DEPDC1B: variants seen among roughly 807,000 people sequenced by gnomAD.
DEPDC1B encodes the protein DEP domain-containing protein 1B.
Under a neutral mutation model 66.5 loss-of-function variants are expected in DEPDC1B, and 51 were observed. The observed-to-expected ratio is 0.77, with a 90% CI of 0.61 to 0.97. The LOEUF (loss-of-function observed/expected upper bound fraction) is 0.97, where lower values mean the gene tolerates loss of function less well. Among genes scored for constraint, DEPDC1B ranks in the 50% least tolerant of loss-of-function variants. DEPDC1B has a pLI of 0.00. For missense variants in DEPDC1B, 552 were observed against 637.1 expected, an observed-to-expected ratio of 0.87 and a Z score of 1.44; for synonymous variants, 226 against 223.6, an observed-to-expected ratio of 1.01 and a Z score of -0.10.
intron 7 of DEPDC1B, among the ~76,000 whole-genome samples, chr5:60,629,393 T>C (rs1172682137): frequency 1.3e-5 from 2 of 152,224 alleles, no homozygotes; most frequent in Non-Finnish European, 2.9e-5. Context: ...ATGATAGTTG[T>C]ATTTTATTTT....
At chr5:60,598,453 C>T (rs759031680) in intron 10 of DEPDC1B, among the ~76,000 whole-genome samples, 30 of 152,012 alleles carry the variant, frequency 2.0e-4, no homozygotes, top group Admixed American at 5.9e-4. Flanking sequence ...CCCACATGTA[C>T]GGTGTTCCCT....
chr5:60,677,418 A>G (rs1332416982), intron 2 of DEPDC1B, among the ~76,000 whole-genome samples: 2 of 151,514 alleles, frequency 1.3e-5, no homozygotes, highest in African/African-American at 4.9e-5. Flanking sequence ...TCCTTTTTAG[A>G]TCCTTCACTG....
intron 2 of DEPDC1B, among the ~76,000 whole-genome samples, chr5:60,664,951 T>C (rs1249807645): frequency 2.6e-5 from 4 of 151,882 alleles, no homozygotes; most frequent in African/African-American, 9.7e-5. Context: ...TACAAAAACC[T>C]AAAGAGGTGG....
intron 7 of DEPDC1B, among the ~76,000 whole-genome samples, chr5:60,620,544 C>T (rs1561361913): frequency 6.6e-6 from 1 of 152,214 alleles, no homozygotes; most frequent in Non-Finnish European, 1.5e-5. Context: ...AAAAAATGCT[C>T]ACCATCACTG....
intron 7 of DEPDC1B, among the ~76,000 whole-genome samples, chr5:60,635,195 C>CA (rs937763812): frequency 5.9e-5 from 9 of 151,628 alleles, no homozygotes; most frequent in Non-Finnish European, 1.0e-4. Flanking sequence ...GCACTCTCTG[C>CA]AAAAAAACAA....
intron 2 of DEPDC1B, chr5:60,648,187 T>C (rs1753365080): frequency 1.3e-5 from 2 of 152,194 alleles, no homozygotes; most frequent in Non-Finnish European, 2.9e-5. Flanking sequence ...GTATTATTAA[T>C]ATAAATACAA....
chr5:60,660,323 A>G (rs78115933), intron 2 of DEPDC1B, among the ~76,000 whole-genome samples: 6 of 32,970 alleles, frequency 1.8e-4, no homozygotes, highest in South Asian at 7.6e-4. Context: ...AAAGGGGGGG[A>G]GAGAGAGAGA....
intron 9 of DEPDC1B, among the ~76,000 whole-genome samples, chr5:60,600,183 A>G (rs1347034189): frequency 6.6e-6 from 1 of 152,160 alleles, no homozygotes; most frequent in African/African-American, 2.4e-5. Context: ...TTAGGAAGAG[A>G]GGGGTACTAC....
At chr5:60,632,247 G>A (rs1250737770) in intron 7 of DEPDC1B, among the ~76,000 whole-genome samples, 3 of 152,196 alleles carry the variant, frequency 2.0e-5, no homozygotes, top group Non-Finnish European at 1.5e-5. Context: ...CGATGGCAAT[G>A]CTTGGCTGGA....
At chr5:60,695,803 TTTTTA>T (rs979441013) in intron 1 of DEPDC1B, among the ~76,000 whole-genome samples, 1 of 152,148 alleles carries the variant, frequency 6.6e-6, no homozygotes, top group African/African-American at 2.4e-5. Flanking sequence ...CTTCTTTCTT[TTTTTA>T]TTTTTTTTGA....
rs1394041800 is a variant in DEPDC1B at position 60,603,451 on chromosome 5, T to C, written c.1182A>G (p.Lys394=). The change falls in exon 9 of 11, where the codon AAA becomes AAG. Residue 394 remains lysine (K), a synonymous_variant. Coordinates refer to ENST00000265036, the MANE Select transcript of DEPDC1B (RefSeq NM_018369.3). ...TAGAGGTCTGCAAGGCCAAAGGGACTTTCAGAATTTCCTGGTAATTGTCCA... is the reference window on the plus strand; with the variant it reads ...TAGAGGTCTGCAAGGCCAAAGGGACCTTCAGAATTTCCTGGTAATTGTCCA... The part of the protein sequence containing the change: ...FLMDNYQEIL[K]VPLALQTSIE... 4 of 1,612,768 alleles carry C rather than the reference T, an allele frequency of 2.5e-6. No individual in the cohort carries two copies. In the African/African-American group the frequency reaches 5.3e-5, roughly 22 times the overall value.
chr5:60,699,954 C>A (rs1330328445), intron 1 of DEPDC1B, 92 bp downstream of exon 1: 6 of 1,462,104 alleles, frequency 4.1e-6, no homozygotes, highest in East Asian at 2.5e-5. Context: ...CGCTGGCCTG[C>A]GGAAGCGAAG....
chr5:60,674,476 T>G (rs1754112690), intron 2 of DEPDC1B, among the ~76,000 whole-genome samples: 1 of 152,178 alleles, frequency 6.6e-6, no homozygotes, highest in Non-Finnish European at 1.5e-5. Context: ...ACTTTGAACC[T>G]TGGGTCCACA....
At chr5:60,634,403 T>C (rs1207400362) in intron 7 of DEPDC1B, among the ~76,000 whole-genome samples, 1 of 152,186 alleles carries the variant, frequency 6.6e-6, no homozygotes, top group Admixed American at 6.5e-5. Context: ...CCGGGCACAG[T>C]GGCTCATGCC....
At chr5:60,627,171 T>C (rs962309447) in intron 7 of DEPDC1B, among the ~76,000 whole-genome samples, 3 of 152,148 alleles carry the variant, frequency 2.0e-5, no homozygotes, top group Non-Finnish European at 2.9e-5. Context: ...AGCTCTTTGT[T>C]CCTTAACTTC....
intron 7 of DEPDC1B, among the ~76,000 whole-genome samples, chr5:60,620,475 C>T (rs980418163): frequency 1.3e-5 from 2 of 152,118 alleles, no homozygotes; most frequent in African/African-American, 2.4e-5. Context: ...AACAAGTAGG[C>T]GAAGGATATG....
intron 7 of DEPDC1B, among the ~76,000 whole-genome samples, chr5:60,621,315 A>T (rs1253726146): frequency 6.6e-6 from 1 of 151,600 alleles, no homozygotes; most frequent in African/African-American, 2.4e-5. Context: ...AAAATAATAA[A>T]AATAAAAATA....
intron 1 of DEPDC1B, among the ~76,000 whole-genome samples, chr5:60,696,057 A>G (rs1231467441): frequency 3.3e-5 from 5 of 152,182 alleles, no homozygotes; most frequent in Non-Finnish European, 5.9e-5. Flanking sequence ...TCGGCCTCCC[A>G]AAGTGCTGAG....
chr5:60,687,235 A>T lies in DEPDC1B; in HGVS notation c.49-8T>A, dbSNP rs985982130. 1.3e-6 allele frequency: 2 copies of T among 1,594,598 alleles called. No individual in the cohort carries two copies. The highest frequency in any genetic ancestry group is 2.7e-5 in the African/African-American group (2 of 74,274). On this transcript the variant is annotated splice_region_variant and splice_polypyrimidine_tract_variant and intron_variant, in intron 1 of 10. Coordinates refer to ENST00000265036, the MANE Select transcript of DEPDC1B (RefSeq NM_018369.3). ...CTCCACGGTCTCATTCCACTAGGGG[A>T]AAGAAAGAGAATGGCATTTAGTAAT...
Sources: allele counts gnomAD v4.1 joint callset (sites outside exome capture counted in the v4.1 genomes callset), GRCh38; gene constraint gnomAD v4.1.1; transcripts MANE v1.5; gene names NCBI Gene and HGNC (gene_info 2026-07-23, HGNC 2026-07-21).